The following DMD variants were observed in gnomAD, a reference collection of about 807,000 sequenced individuals.
DMD encodes mutant dystrophin.
Under a neutral mutation model 330.1 loss-of-function variants are expected in DMD, and 63 were observed. The observed-to-expected ratio is 0.19, with a 90% CI of 0.16 to 0.24. The LOEUF is 0.24. DMD is among the 10% of genes least tolerant of loss of function. The pLI is 1.00. For missense variants in DMD, 3,344 were observed against 2,684.1 expected (o/e 1.25, Z -5.43); for synonymous variants, 1,223 against 959.8 (o/e 1.27, Z -5.07).
rs756021022 is a variant in DMD at position 32,861,077 on chromosome X, G to C, written c.94-11257C>G. On this transcript the variant is annotated intron_variant, in intron 2 of 78. Coordinates refer to ENST00000357033, the MANE Select transcript of DMD (RefSeq NM_004006.3). Reference sequence around the variant, plus strand: ...ACTCCCAGCTCTGCAGTGTGATCTTGGGCAAGTAACTTCTCCGTGCCTTAC... The same window carrying C: ...ACTCCCAGCTCTGCAGTGTGATCTTCGGCAAGTAACTTCTCCGTGCCTTAC... 2.7e-5 allele frequency among the ~76,000 whole-genome samples: 3 copies of C among 111,747 alleles called. No individual in the cohort carries two copies. The South Asian group carries it at 1.1e-3, about 42-fold the overall frequency.
At chrX:32,954,967 C>T (rs1329457248) in intron 2 of DMD, among the ~76,000 whole-genome samples, 24 of 111,782 alleles carry the variant, frequency 2.1e-4, no homozygotes, top group Admixed American at 1.7e-3. Context: ...GTTGATTCCA[C>T]GTCTTTGCTA....
chrX:32,570,655 T>C (rs1424127763), intron 15 of DMD, among the ~76,000 whole-genome samples: 3 of 111,813 alleles, frequency 2.7e-5, no homozygotes, highest in African/African-American at 9.7e-5. Flanking sequence ...TTAGTGTTCA[T>C]TTTAAGTCTG....
intron 52 of DMD, among the ~76,000 whole-genome samples, chrX:31,728,151 T>C (rs968166423): frequency 9.0e-6 from 1 of 111,696 alleles, no homozygotes; most frequent in Non-Finnish European, 1.9e-5. Flanking sequence ...GCCTCCCAAG[T>C]AGCTGGGACT....
intron 52 of DMD, among the ~76,000 whole-genome samples, chrX:31,681,188 A>G (rs2082361783): frequency 8.9e-6 from 1 of 112,094 alleles, no homozygotes; most frequent in Non-Finnish European, 1.9e-5. Flanking sequence ...ACTCCCTCTT[A>G]TAAAACCCTT....
At chrX:32,728,982 T>G (rs956676553) in intron 7 of DMD, among the ~76,000 whole-genome samples, 2 of 111,901 alleles carry the variant, frequency 1.8e-5, no homozygotes, top group African/African-American at 3.2e-5. Context: ...CCACAAAAGG[T>G]GCTAGGGCGC....
At chrX:32,138,027 A>G (rs761065367) in intron 44 of DMD, among the ~76,000 whole-genome samples, 1 of 109,799 alleles carries the variant, frequency 9.1e-6, no homozygotes, top group South Asian at 4.2e-4. Flanking sequence ...TCCTCATATA[A>G]TTCTTATGAG....
chrX:32,668,304 T>A (rs187742165), intron 9 of DMD, among the ~76,000 whole-genome samples: 1 of 112,704 alleles, frequency 8.9e-6, no homozygotes, highest in African/African-American at 3.2e-5. Flanking sequence ...TATACACTCA[T>A]ATGTCCCTAT....
At chrX:32,325,153 T>C (rs146139627) in intron 41 of DMD, among the ~76,000 whole-genome samples, 5,456 of 110,970 alleles carry the variant, frequency 0.049, 335 homozygotes, top group African/African-American at 0.17. Flanking sequence ...ATATGGAATA[T>C]AGTACAAAGA....
Position 33,009,688 on chromosome X carries a change from G to GTATGTGTGTATACGTATATGTGTATATA in DMD, c.93+10450_93+10451insTATATACACATATACGTATACACACATA, listed in dbSNP as rs1491431751. On this transcript the variant is annotated intron_variant, in intron 2 of 78. Coordinates refer to ENST00000357033, the MANE Select transcript of DMD (RefSeq NM_004006.3). ...TATGTGTATACGTATATGTGTATAT[G>GTATGTGTGTATACGTATATGTGTATATA]CACATATGTGTGTATACGTATATGT... Among the ~76,000 whole-genome samples, 7 of 33,151 alleles carry GTATGTGTGTATACGTATATGTGTATATA rather than the reference G, an allele frequency of 2.1e-4. 1 individual carries two copies. Among genetic ancestry groups the GTATGTGTGTATACGTATATGTGTATATA allele is most frequent in the African/African-American group, 9.0e-4 (6 of 6,665 alleles). The allele number at this position is 33,151 out of a possible 115,157, so 28.8% of individuals were successfully genotyped here. A position where few individuals can be genotyped will look rare whatever the true frequency, so the allele number is the denominator to read the frequency against.
chrX:32,951,657 T>A (rs1179957472), intron 2 of DMD, among the ~76,000 whole-genome samples: 2 of 111,864 alleles, frequency 1.8e-5, no homozygotes, highest in African/African-American at 3.2e-5. Flanking sequence ...GTTTCCTCTA[T>A]CCCAAAGCAT....
chrX:32,899,674 A>C (rs1224653267), intron 2 of DMD, among the ~76,000 whole-genome samples: 4 of 84,190 alleles, frequency 4.8e-5, no homozygotes, highest in Admixed American at 3.5e-4. Flanking sequence ...ACTCCGTCTC[A>C]AAAAAAAAAA....
intron 55 of DMD, among the ~76,000 whole-genome samples, chrX:31,544,100 G>A (rs760780810): frequency 9.0e-5 from 10 of 110,972 alleles, no homozygotes; most frequent in South Asian, 7.7e-4. Flanking sequence ...CGAAGTGGGC[G>A]GACCACGAGG....
intron 55 of DMD, among the ~76,000 whole-genome samples, chrX:31,549,399 T>C (rs962656503): frequency 1.8e-5 from 2 of 111,395 alleles, no homozygotes; most frequent in African/African-American, 6.5e-5. Context: ...TTGCTTTGAA[T>C]AGAAACCCTG....
intron 52 of DMD, among the ~76,000 whole-genome samples, chrX:31,695,754 G>A (rs1037679274): frequency 5.4e-5 from 6 of 110,577 alleles, no homozygotes; most frequent in Admixed American, 2.9e-4. Flanking sequence ...TATTATGGTG[G>A]TGATCAAAAG....
At chrX:31,973,886 C>T (rs766538895) in intron 44 of DMD, among the ~76,000 whole-genome samples, 1 of 111,448 alleles carries the variant, frequency 9.0e-6, no homozygotes, top group East Asian at 2.8e-4. Flanking sequence ...TAAATTTGAA[C>T]GGCACTACAG....
chrX:32,715,800 C>T (rs1239042957), intron 7 of DMD, among the ~76,000 whole-genome samples: 3 of 110,327 alleles, frequency 2.7e-5, no homozygotes, highest in African/African-American at 9.9e-5. Flanking sequence ...AAAACAGAAA[C>T]ACAAAAAAAG....
At chrX:32,723,324 T>C (rs933585684) in intron 7 of DMD, among the ~76,000 whole-genome samples, 2 of 111,385 alleles carry the variant, frequency 1.8e-5, no homozygotes, top group Non-Finnish European at 3.8e-5. Flanking sequence ...GTCTTGCTAA[T>C]ACTTTATTGA....
chrX:32,975,346 C>CA (rs371197119), intron 2 of DMD, among the ~76,000 whole-genome samples: 1 of 64,773 alleles, frequency 1.5e-5, no homozygotes, highest in Non-Finnish European at 2.8e-5. Flanking sequence ...TTAAAAAATG[C>CA]TTTTTTTTTT....
intron 1 of DMD, among the ~76,000 whole-genome samples, chrX:33,062,387 C>T (rs1225996904): frequency 8.9e-6 from 1 of 112,193 alleles, no homozygotes; most frequent in East Asian, 2.8e-4. Context: ...GCATTTAACT[C>T]TCATTATGCA....
Sources: allele counts gnomAD v4.1 joint callset (sites outside exome capture counted in the v4.1 genomes callset), GRCh38; gene constraint gnomAD v4.1.1; transcripts MANE v1.5; gene names NCBI Gene and HGNC (gene_info 2026-07-23, HGNC 2026-07-21).